The following NLRP4 variants were observed in gnomAD, a reference collection of about 807,000 sequenced individuals.
The protein encoded by NLRP4 is NACHT, LRR and PYD domains-containing protein 4.
NLRP4 carries 44 observed loss-of-function variants against 84.7 expected under a neutral mutation model. The observed-to-expected ratio is 0.52, with a 90% CI of 0.41 to 0.67. The LOEUF (loss-of-function observed/expected upper bound fraction) is 0.67. NLRP4 is among the 30% of genes least tolerant of loss of function. NLRP4 has a pLI of 0.00. For synonymous variants in NLRP4, 544 were observed against 476.4 expected, an observed-to-expected ratio of 1.14 and a Z score of -1.85; for missense variants, 1,260 against 1,219.4, an observed-to-expected ratio of 1.03 and a Z score of -0.50.
intron 3 of NLRP4, 37 bp downstream of exon 3, chr19:55,859,286 A>G (rs778164919): frequency 6.6e-7 from 1 of 1,523,132 alleles, no homozygotes; most frequent in Middle Eastern, 2.0e-4. Flanking sequence ...TCTTCTCAGA[A>G]TCTGTCTGTA....
chr19:55,858,491 G>T lies in NLRP4; in HGVS notation c.1098G>T (p.Gln366His). Residue 366 changes from glutamine to histidine, a missense_variant, in exon 3 of 10, where the codon CAG becomes CAT. Physicochemically the swap from Gln to His is conservative, Grantham distance 24 (BLOSUM62 0). Coordinates refer to ENST00000301295, the MANE Select transcript of NLRP4 (RefSeq NM_134444.5). This position sits in a 1 kb window ranked among gnomAD's most constrained non-coding sequence, Gnocchi z 4.2. ...QKGKDLALTC[Q>H]STTSVYSSFV... ...GAAAAGACCTGGCCCTGACCTGCCA[G>T]AGCACTACCTCTGTGTACTCCTCTT... is the stretch of plus-strand genomic sequence containing the variant. The T allele has an allele frequency of 1.2e-6, 2 of 1,614,126 alleles. No individual in the cohort carries two copies.
chr19:55,859,695 A>G (rs937306189), intron 3 of NLRP4, among the ~76,000 whole-genome samples: 10 of 152,010 alleles, frequency 6.6e-5, no homozygotes, highest in Non-Finnish European at 1.3e-4. Context: ...TGGGAGGCTG[A>G]GGCAGGTGGA....
intron 1 of NLRP4, among the ~76,000 whole-genome samples, chr19:55,843,217 T>TC (rs1983679170): frequency 6.6e-6 from 1 of 152,164 alleles, no homozygotes; most frequent in South Asian, 2.1e-4. Context: ...ATTATTGTCC[T>TC]CCCCTTGCCT....
chr19:55,848,264 A>G (rs946541554), intron 1 of NLRP4, among the ~76,000 whole-genome samples: 2 of 152,058 alleles, frequency 1.3e-5, no homozygotes, highest in African/African-American at 2.4e-5. Context: ...TGCCCTTCCC[A>G]TCATATCATA....
chr19:55,849,855 TGCGGTGTAATTTCCGTGGCC>T (rs1568657919), intron 1 of NLRP4, among the ~76,000 whole-genome samples: 3 of 134,382 alleles, frequency 2.2e-5, no homozygotes, highest in Admixed American at 7.8e-5. Flanking sequence ...TTTCCGAGAC[TGCGGTGTAATTTCCGTGGCC>T]GCGGTGTAAT....
chr19:55,863,215 A>C (rs577887656), intron 5 of NLRP4, among the ~76,000 whole-genome samples: 1 of 152,226 alleles, frequency 6.6e-6, no homozygotes, highest in Non-Finnish European at 1.5e-5. Context: ...TCAAGAGTAC[A>C]TCCTATGGCT....
At chr19:55,850,021 TGTGATTTCCGAGACTGC>T (rs1407002459) in intron 1 of NLRP4, among the ~76,000 whole-genome samples, 3 of 145,494 alleles carry the variant, frequency 2.1e-5, no homozygotes, top group Non-Finnish European at 3.0e-5. Context: ...GAGACTGCGG[TGTGATTTCCGAGACTGC>T]GGTGTGATTT....
rs758110961 is a variant in NLRP4 at position 55,870,847 on chromosome 19, G to A, written c.2375G>A (p.Ser792Asn). 1.2e-6 allele frequency: 2 copies of A among 1,613,774 alleles called. No homozygotes were observed. Among genetic ancestry groups the A allele is most frequent in the South Asian group, 2.2e-5 (2 of 91,072 alleles). The change falls in exon 7 of 10, where the codon AGC becomes AAC. Residue 792 changes from serine to asparagine, a missense_variant. Physicochemically the swap from Ser to Asn is conservative, Grantham distance 46. Coordinates refer to ENST00000301295, the MANE Select transcript of NLRP4 (RefSeq NM_134444.5). ...VYLMLAFCHLSEQCCEYISEM... is the reference protein window; with the variant it reads ...VYLMLAFCHLNEQCCEYISEM... ...CATAGGTTGGCTTTCTGCCACCTCA[G>A]CGAGCAGTGCTGCGAATACATCTCT... is the stretch of plus-strand genomic sequence containing the variant.
chr19:55,859,372 C>T (rs1600231192), intron 3 of NLRP4, 123 bp downstream of exon 3: 4 of 757,742 alleles, frequency 5.3e-6, no homozygotes, highest in African/African-American at 5.2e-5. Flanking sequence ...GCCACAAAAC[C>T]TCAGCTCACA....
chr19:55,861,294 C>T (rs1054438216), intron 3 of NLRP4, 92 bp from the exon 4 acceptor site: 1 of 1,067,584 alleles, frequency 9.4e-7, no homozygotes, highest in African/African-American at 1.6e-5. Context: ...CAGACATCTT[C>T]TGTTTGAGAA....
rs369498257 is a variant in NLRP4 at position 55,877,038 on chromosome 19, C to T, written c.2568C>T (p.Leu856=). ...TCACTGCTGCTGGCTGTGAAGACCT[C>T]GCCTCTGCTCTCATCAGCAATCAAA... The part of the protein sequence containing the change: ...CFITAAGCED[L]ASALISNQNL... The change falls in exon 8 of 10, where the codon CTC becomes CTT. Residue 856 remains leucine (L), a synonymous_variant. Transcript: ENST00000301295. 3.2e-5 allele frequency: 51 copies of T among 1,613,784 alleles called. No individual in the cohort carries two copies. Among genetic ancestry groups the T allele is most frequent in the East Asian group, 2.2e-5 (1 of 44,892 alleles).
chr19:55,846,245 G>T (rs945909788), intron 1 of NLRP4, among the ~76,000 whole-genome samples: 27 of 152,286 alleles, frequency 1.8e-4, no homozygotes, highest in African/African-American at 6.3e-4. Context: ...CTTACGGCTA[G>T]CCAGTTTTCC....
intron 1 of NLRP4, among the ~76,000 whole-genome samples, chr19:55,840,524 C>T (rs927875575): frequency 6.6e-6 from 1 of 152,160 alleles, no homozygotes; most frequent in Non-Finnish European, 1.5e-5. Context: ...GCTGGGATTA[C>T]AGGTGCCTGC....
intron 5 of NLRP4, 52 bp downstream of exon 5, chr19:55,862,211 C>CGTAAGT (rs1984790398): frequency 1.9e-6 from 2 of 1,061,192 alleles, no homozygotes; most frequent in Non-Finnish European, 2.8e-6. Context: ...AAGACTATAG[C>CGTAAGT]CTAAGTCTCC....
At chr19:55,847,758 A>G (rs1433408268) in intron 1 of NLRP4, among the ~76,000 whole-genome samples, 1 of 140,446 alleles carries the variant, frequency 7.1e-6, no homozygotes, top group East Asian at 2.1e-4. Flanking sequence ...TCTGTTGCCC[A>G]GGCTGGAGTG....
At chr19:55,857,285 T>C (rs924585483) in intron 2 of NLRP4, among the ~76,000 whole-genome samples, 2 of 151,800 alleles carry the variant, frequency 1.3e-5, no homozygotes, top group African/African-American at 2.4e-5. Context: ...TGTGTGTCTA[T>C]TGAAAGCAGA....
At chr19:55,853,827 CTCTT>C (rs1242822845) in intron 2 of NLRP4, among the ~76,000 whole-genome samples, 5 of 151,424 alleles carry the variant, frequency 3.3e-5, no homozygotes, top group East Asian at 1.9e-4. Flanking sequence ...TTCTTGCTGT[CTCTT>C]TCTCTCTCTC....
chr19:55,879,612 T>G (rs1985509672), intron 9 of NLRP4, among the ~76,000 whole-genome samples: 1 of 152,220 alleles, frequency 6.6e-6, no homozygotes, highest in South Asian at 2.1e-4. Context: ...TGAACAGGCC[T>G]GGCCCCCAGG....
At chr19:55,843,002 G>T (rs201826574) in intron 1 of NLRP4, among the ~76,000 whole-genome samples, 1 of 150,962 alleles carries the variant, frequency 6.6e-6, no homozygotes, top group African/African-American at 2.4e-5. Context: ...CTCGTGATCC[G>T]CCCACCTCGG....
Sources: allele counts gnomAD v4.1 joint callset (sites outside exome capture counted in the v4.1 genomes callset), GRCh38; gene constraint gnomAD v4.1.1; non-coding constraint Gnocchi (gnomAD v3.1); transcripts MANE v1.5; gene names NCBI Gene and HGNC (gene_info 2026-07-23, HGNC 2026-07-21).